DSP: variants seen among roughly 807,000 people sequenced by gnomAD.
DSP encodes the protein 250/210 kDa paraneoplastic pemphigus antigen.
In DSP, 114 loss-of-function variants were observed where a neutral mutation model predicts 290.6. The observed-to-expected ratio is 0.39, with a 90% confidence interval of 0.34 to 0.46. The LOEUF is 0.46. Ranked by LOEUF, DSP falls within the 20% of genes least tolerant of loss-of-function variation. The pLI is 0.99. For synonymous variants in DSP, 1,311 were observed against 1,316.4 expected (o/e 1.00, Z 0.09); for missense variants, 3,230 against 3,495.8 (o/e 0.92, Z 1.92).
At position 7,584,665 on chromosome 6, in the gene DSP, T is replaced by C; in HGVS notation, c.7403T>C (p.Ile2468Thr). The C allele has an allele frequency of 6.2e-7, 1 of 1,614,004 alleles. No individual in the cohort carries two copies. Among genetic ancestry groups the C allele is most frequent in the East Asian group, 2.2e-5 (1 of 44,882 alleles). Residue 2468 changes from isoleucine (I) to threonine (T), a missense_variant, in exon 24 of 24, where the codon ATA becomes ACA. Transcript: ENST00000379802. This position sits in a 1 kb window ranked among gnomAD's most constrained non-coding sequence, Gnocchi z 6.4. ...ACCCTCAGGAAGCGTAGAGTGGTCA[T>C]AGTTGACCCAGAAACCAATAAAGAA... ...KNTLRKRRVVIVDPETNKEMS... is the reference protein window; with the variant it reads ...KNTLRKRRVVTVDPETNKEMS...
Position 7,574,809 on chromosome 6 carries a change from T to C in DSP, c.2436+14T>C. Reference sequence around the variant, plus strand: ...TGTGGACTGAAGGTAACTTGAAAGCTTATAACAGTGGCCCAACTTACAGGA... The same window carrying C: ...TGTGGACTGAAGGTAACTTGAAAGCCTATAACAGTGGCCCAACTTACAGGA... On this transcript the variant is annotated intron_variant, in intron 17 of 23. Transcript: ENST00000379802. 1 of 1,614,120 alleles carries C rather than the reference T, an allele frequency of 6.2e-7. No individual in the cohort carries two copies. The highest frequency in any genetic ancestry group is 1.3e-5 in the African/African-American group (1 of 75,042).
chr6:7,583,990 A>G lies in DSP; in HGVS notation c.6728A>G (p.Tyr2243Cys). 2 of 1,614,202 alleles carry G rather than the reference A, an allele frequency of 1.2e-6. No individual in the cohort carries two copies. Among genetic ancestry groups the G allele is most frequent in the Non-Finnish European group, 1.7e-6 (2 of 1,180,036 alleles). The change falls in exon 24 of 24, where the codon TAT (tyrosine) becomes TGT (cysteine). Residue 2243 changes from tyrosine to cysteine, a missense_variant. Coordinates refer to ENST00000379802, the MANE Select transcript of DSP (RefSeq NM_004415.4). The surrounding 1 kb of genome is among the most constrained non-coding windows in gnomAD (Gnocchi z 4.0). ...GAACTGGAATCTGGTCAGATTTCTT[A>G]TGACGAGGTTGGTGAGAGAATTAAG... Reference protein sequence around the residue: ...VNELESGQISYDEVGERIKDF... With the variant: ...VNELESGQISCDEVGERIKDF...
intron 11 of DSP, 54 bp downstream of exon 11, chr6:7,568,643 T>C: frequency 1.9e-6 from 3 of 1,603,580 alleles, no homozygotes; most frequent in Non-Finnish European, 2.6e-6. Flanking sequence ...ACACACAAAT[T>C]TTTGTCCATC....
intron 1 of DSP, among the ~76,000 whole-genome samples, chr6:7,551,992 A>T (rs1758356088): frequency 6.6e-6 from 1 of 152,216 alleles, no homozygotes; most frequent in Admixed American, 6.5e-5. Context: ...TTGGATTCTT[A>T]CAGATGAAAG....
intron 19 of DSP, among the ~76,000 whole-genome samples, chr6:7,576,662 G>A (rs979525252): frequency 3.3e-5 from 5 of 152,168 alleles, no homozygotes; most frequent in Admixed American, 2.6e-4. Flanking sequence ...TAGAAATAAC[G>A]TGATATTGTT....
chr6:7,542,035 G>GTAC lies in DSP; in HGVS notation c.123_125dup (p.Tyr42dup), dbSNP rs773809525. On this transcript the variant is annotated inframe_insertion, in exon 1 of 24. Coordinates refer to ENST00000379802, the MANE Select transcript of DSP (RefSeq NM_004415.4). The stretch of plus-strand genomic sequence containing the variant: ...GCGGCGGCGGGGGCACCAGCAGGAT[G>GTAC]TACTATTCTCGGCGCGGCGTGATCA... 6.3e-7 allele frequency: 1 copy of GTAC among 1,579,618 alleles called. No homozygotes were observed. The highest frequency in any genetic ancestry group is 8.6e-7 in the Non-Finnish European group (1 of 1,163,702).
intron 1 of DSP, among the ~76,000 whole-genome samples, chr6:7,552,530 TC>T (rs778500253): frequency 7.4e-6 from 1 of 134,852 alleles, no homozygotes; most frequent in Non-Finnish European, 1.5e-5. Context: ...GCCACTGCAC[TC>T]CAGCCTGGGT....
chr6:7,562,585 G>A (rs1230415827), intron 4 of DSP, 67 bp from the exon 5 acceptor site: 3 of 1,610,256 alleles, frequency 1.9e-6, no homozygotes, highest in South Asian at 1.1e-5. Context: ...CCGTGATGGT[G>A]TGCGTAAGTG....
chr6:7,569,430 A>C (rs980445649), intron 12 of DSP, 90 bp downstream of exon 12: 40 of 1,585,648 alleles, frequency 2.5e-5, no homozygotes, highest in Non-Finnish European at 3.3e-5. Flanking sequence ...AAGCTTAGAC[A>C]CACGATGCCT....
At chr6:7,566,685 GTC>G (rs990077331) in intron 8 of DSP, among the ~76,000 whole-genome samples, 1 of 152,190 alleles carries the variant, frequency 6.6e-6, no homozygotes, top group Non-Finnish European at 1.5e-5. Flanking sequence ...AGGCCATTTG[GTC>G]TCTGTTACAA....
At chr6:7,549,323 AT>A (rs1253201224) in intron 1 of DSP, among the ~76,000 whole-genome samples, 1 of 151,872 alleles carries the variant, frequency 6.6e-6, no homozygotes, top group African/African-American at 2.4e-5. Flanking sequence ...CTAATTTTGT[AT>A]TTTTAGTAGA....
At position 7,583,214 on chromosome 6, in the gene DSP, G is replaced by A; in HGVS notation, c.5952G>A (p.Gln1984=). The part of the protein sequence containing the change: ...KVTAMQLYEC[Q]LIDKTTLDKL... ...CAGCAATGCAGCTCTATGAGTGTCA[G>A]CTGATCGACAAAACAACCTTGGACA... is the stretch of plus-strand genomic sequence containing the variant. Residue 1984 remains glutamine, a synonymous_variant, in exon 24 of 24, where the codon CAG becomes CAA. Coordinates refer to ENST00000379802, the MANE Select transcript of DSP (RefSeq NM_004415.4). This position sits in a 1 kb window ranked among gnomAD's most constrained non-coding sequence, Gnocchi z 4.0. 6.2e-7 allele frequency: 1 copy of A among 1,614,196 alleles called. No homozygotes were observed. Among genetic ancestry groups the A allele is most frequent in the Non-Finnish European group, 8.5e-7 (1 of 1,180,046 alleles).
rs530415283 is a variant in DSP, at chr6:7,554,534, G to A, written c.171-1184G>A. On this transcript the variant is annotated intron_variant, in intron 1 of 23. Coordinates refer to ENST00000379802, the MANE Select transcript of DSP (RefSeq NM_004415.4). ...AGGTATTCTAGGAACATCTTGAAAGGAGAATGGGTTTGTTTTGCGATAAAG... is the reference window on the plus strand; with the variant it reads ...AGGTATTCTAGGAACATCTTGAAAGAAGAATGGGTTTGTTTTGCGATAAAG... 3.3e-5 allele frequency among the ~76,000 whole-genome samples: 5 copies of A among 152,244 alleles called. No individual in the cohort carries two copies. In the East Asian group the frequency reaches 9.7e-4, roughly 29 times the overall value.
Position 7,584,254 on chromosome 6 carries a change from C to T in DSP, c.6992C>T (p.Ser2331Phe). 6.2e-7 allele frequency: 1 copy of T among 1,614,172 alleles called. No homozygotes were observed. Among genetic ancestry groups the T allele is most frequent in the Non-Finnish European group, 8.5e-7 (1 of 1,180,034 alleles). ...ATTGAGTTCAAAGAGAAGCTCCTGT[C>T]TGCAGAACGAGCTGTCACTGGGTAT... ...VGIEFKEKLL[S>F]AERAVTGYND... Residue 2331 changes from serine to phenylalanine, a missense_variant, in exon 24 of 24, where the codon TCT becomes TTT. Ser to Phe is a radical substitution (Grantham distance 155, BLOSUM62 -2). Transcript: ENST00000379802. The surrounding 1 kb of genome is among the most constrained non-coding windows in gnomAD (Gnocchi z 6.4).
chr6:7,552,854 G>C (rs1445508950), intron 1 of DSP, among the ~76,000 whole-genome samples: 1 of 152,042 alleles, frequency 6.6e-6, no homozygotes, highest in Non-Finnish European at 1.5e-5. Context: ...CCTTTATCCT[G>C]GATGTAATTC....
At chr6:7,552,606 T>C (rs1382412599) in intron 1 of DSP, among the ~76,000 whole-genome samples, 1 of 149,394 alleles carries the variant, frequency 6.7e-6, no homozygotes, top group Non-Finnish European at 1.5e-5. Flanking sequence ...GGAAATCCTT[T>C]AGAAAAGCAC....
At chr6:7,577,580 G>A (rs1332181959) in intron 20 of DSP, among the ~76,000 whole-genome samples, 199 bp from the exon 21 acceptor site, 4 of 152,228 alleles carry the variant, frequency 2.6e-5, no homozygotes, top group African/African-American at 9.6e-5. Flanking sequence ...TGCCCGGCTC[G>A]GCCTCCCAAA....
rs1759052400 is a variant in DSP at position 7,571,536 on chromosome 6, T to C, written c.1855T>C (p.Tyr619His). ...TCAGTTCACCGATGCCCAGAAGCAT[T>C]ACCAGACCCTGGTCATTCAGCTCCC... ...QSQFTDAQKH[Y>H]QTLVIQLPGY... Residue 619 changes from tyrosine (Y) to histidine (H), a missense_variant, in exon 14 of 24, where the codon TAC becomes CAC. Around this residue, in one of 5 missense-constraint regions of DSP, gnomAD observed 81 missense variants for 130.5 expected, o/e 0.62. Coordinates refer to ENST00000379802, the MANE Select transcript of DSP (RefSeq NM_004415.4). 6.2e-7 allele frequency: 1 copy of C among 1,614,102 alleles called. No individual in the cohort carries two copies. Among genetic ancestry groups the C allele is most frequent in the African/African-American group, 1.3e-5 (1 of 74,938 alleles).
At position 7,584,735 on chromosome 6, in the gene DSP, A is replaced by G; in HGVS notation, c.7473A>G (p.Glu2491=). The change falls in exon 24 of 24, where the codon GAA becomes GAG. Residue 2491 remains glutamate, a synonymous_variant. Coordinates refer to ENST00000379802, the MANE Select transcript of DSP (RefSeq NM_004415.4). The surrounding 1 kb of genome is among the most constrained non-coding windows in gnomAD (Gnocchi z 6.4). ...EAYKKGLIDY[E]TFKELCEQEC... ...ACAAGAAGGGCCTAATTGATTATGA[A>G]ACCTTCAAAGAACTGTGTGAGCAGG... 1 of 1,614,236 alleles carries G rather than the reference A, an allele frequency of 6.2e-7. No individual in the cohort carries two copies. The highest frequency in any genetic ancestry group is 8.5e-7 in the Non-Finnish European group (1 of 1,180,044).
Sources: allele counts gnomAD v4.1 joint callset (sites outside exome capture counted in the v4.1 genomes callset), GRCh38; gene constraint gnomAD v4.1.1; regional missense constraint gnomAD v4.1.1; non-coding constraint Gnocchi (gnomAD v3.1); transcripts MANE v1.5; gene names NCBI Gene and HGNC (gene_info 2026-07-23, HGNC 2026-07-21).